Variants in CDH8 observed in about 807,000 individuals in gnomAD.
CDH8 encodes the protein cadherin 8.
Under a neutral mutation model 68.1 loss-of-function variants are expected in CDH8, and 17 were observed. The ratio of observed to expected loss-of-function variants is 0.25; its 90% CI spans 0.17 to 0.37. The LOEUF is 0.37. CDH8 is among the 10% of genes least tolerant of loss of function. CDH8 has a pLI of 1.00. For synonymous variants in CDH8, 372 were observed against 365.1 expected (o/e 1.02, Z -0.21); for missense variants, 763 against 999.3 (o/e 0.76, Z 3.19).
intron 3 of CDH8, among the ~76,000 whole-genome samples, chr16:61,891,831 T>G (rs1405210800): frequency 6.6e-6 from 1 of 152,160 alleles, no homozygotes; most frequent in Non-Finnish European, 1.5e-5. Flanking sequence ...AGAAAAAATA[T>G]AATCAAATCC....
intron 2 of CDH8, among the ~76,000 whole-genome samples, chr16:61,927,178 CA>C (rs1964469276): frequency 6.6e-6 from 1 of 152,146 alleles, no homozygotes. Context: ...TAACTTCAGA[CA>C]AATCATTTTA....
At chr16:61,931,154 CTTTTGTTTTG>C (rs551323255) in intron 2 of CDH8, among the ~76,000 whole-genome samples, 57 of 151,802 alleles carry the variant, frequency 3.8e-4, no homozygotes, top group African/African-American at 1.4e-3. Flanking sequence ...TCATGAGGAC[CTTTTGTTTTG>C]TTTTGTTTTG....
intron 3 of CDH8, among the ~76,000 whole-genome samples, chr16:61,874,574 G>C (rs1226771774): frequency 6.6e-6 from 1 of 151,898 alleles, no homozygotes; most frequent in East Asian, 1.9e-4. Flanking sequence ...CTCGTGATCT[G>C]CCTGCCTCAG....
At chr16:62,004,157 T>C (rs1426246692) in intron 2 of CDH8, among the ~76,000 whole-genome samples, 1 of 152,196 alleles carries the variant, frequency 6.6e-6, no homozygotes, top group Non-Finnish European at 1.5e-5. Context: ...CTGTCTAGAA[T>C]AGTAACAACT....
chr16:61,745,463 C>T (rs1959997734), intron 8 of CDH8, among the ~76,000 whole-genome samples: 1 of 151,972 alleles, frequency 6.6e-6, no homozygotes, highest in African/African-American at 2.4e-5. Flanking sequence ...GGCCTTCCTC[C>T]TCTCTGGAGT....
intron 8 of CDH8, among the ~76,000 whole-genome samples, chr16:61,737,784 A>G (rs932277081): frequency 2.6e-5 from 4 of 152,142 alleles, no homozygotes; most frequent in Non-Finnish European, 5.9e-5. Flanking sequence ...TGGCAACTGT[A>G]TTCTTGCTGT....
chr16:61,808,316 A>G (rs1961850653), intron 7 of CDH8, among the ~76,000 whole-genome samples: 1 of 152,194 alleles, frequency 6.6e-6, no homozygotes, highest in African/African-American at 2.4e-5. Context: ...TATTATAGCC[A>G]TCACTGAGAT....
intron 2 of CDH8, among the ~76,000 whole-genome samples, chr16:61,939,190 C>A (rs768945706): frequency 3.9e-5 from 6 of 152,084 alleles, no homozygotes; most frequent in African/African-American, 1.4e-4. Context: ...AAGATGAAGA[C>A]GGATAACAAA....
Position 62,013,016 on chromosome 16 carries a change from A to ATCCC in CDH8, c.252+8135_252+8136insGGGA, listed in dbSNP as rs1901851512. 7.1e-5 allele frequency among the ~76,000 whole-genome samples: 2 copies of ATCCC among 28,304 alleles called. 1 individual carries two copies. The highest frequency in any genetic ancestry group is 1.7e-4 in the Non-Finnish European group (2 of 11,748). The allele number at this position is 28,304 out of a possible 152,430, so 18.6% of individuals were successfully genotyped here. A position where few individuals can be genotyped will look rare whatever the true frequency, so the allele number is the denominator to read the frequency against. ...ACGCCTGTAATCCCAGCACTTTGGGAGGCCGAGGCGGGTGGATCATGAGGT... is the reference window on the plus strand; with the variant it reads ...ACGCCTGTAATCCCAGCACTTTGGGATCCCGGCCGAGGCGGGTGGATCATGAGGT... On this transcript the variant is annotated intron_variant, in intron 2 of 11. Coordinates refer to ENST00000577390, the MANE Select transcript of CDH8 (RefSeq NM_001796.5).
chr16:62,005,257 C>T (rs896497432), intron 2 of CDH8, among the ~76,000 whole-genome samples: 8 of 152,212 alleles, frequency 5.3e-5, no homozygotes, highest in Non-Finnish European at 1.0e-4. Flanking sequence ...AGGAAGACAG[C>T]TGCAAAAGCC....
At chr16:61,909,459 C>G (rs1053192793) in intron 2 of CDH8, among the ~76,000 whole-genome samples, 6 of 152,160 alleles carry the variant, frequency 3.9e-5, no homozygotes, top group African/African-American at 1.4e-4. Flanking sequence ...AACTTTTTGT[C>G]TCCATAAGAC....
intron 10 of CDH8, among the ~76,000 whole-genome samples, chr16:61,710,088 C>T (rs937839923): frequency 2.6e-5 from 4 of 152,096 alleles, no homozygotes; most frequent in South Asian, 4.1e-4. Context: ...AAAGGGACCT[C>T]GTCCCACTTA....
At chr16:61,741,323 C>T (rs563900785) in intron 8 of CDH8, among the ~76,000 whole-genome samples, 2 of 152,242 alleles carry the variant, frequency 1.3e-5, no homozygotes, top group Admixed American at 1.3e-4. Context: ...ATTCCTTCTT[C>T]TGCCCAATGG....
chr16:61,656,313 TTCCGAA>T (rs1208402860), intron 10 of CDH8, among the ~76,000 whole-genome samples: 2 of 152,222 alleles, frequency 1.3e-5, no homozygotes, highest in African/African-American at 4.8e-5. Context: ...TAAGTGTCCC[TTCCGAA>T]GACATATATT....
chr16:61,997,001 A>G (rs72800835), intron 2 of CDH8, among the ~76,000 whole-genome samples: 2,247 of 85,664 alleles, frequency 0.026, 44 homozygotes, highest in African/African-American at 0.076. Flanking sequence ...TATTGTGTGT[A>G]TGTGTGTGTG....
chr16:61,743,292 C>T (rs1181648110), intron 8 of CDH8: 3 of 152,188 alleles, frequency 2.0e-5, no homozygotes, highest in Non-Finnish European at 4.4e-5. Flanking sequence ...ACTCCTATAT[C>T]CTTGACCAAA....
At chr16:61,824,087 A>G (rs1368600645) in intron 5 of CDH8, among the ~76,000 whole-genome samples, 1 of 151,890 alleles carries the variant, frequency 6.6e-6, no homozygotes, top group Admixed American at 6.6e-5. Context: ...ATGAAATATT[A>G]TTCAGCCTTT....
intron 10 of CDH8, among the ~76,000 whole-genome samples, chr16:61,661,549 T>C (rs1174165023): frequency 6.6e-6 from 1 of 151,702 alleles, no homozygotes; most frequent in Non-Finnish European, 1.5e-5. Flanking sequence ...CAAATATAAA[T>C]AAAGATACAA....
At position 61,901,344 on chromosome 16, in the gene CDH8, C is replaced by T; in HGVS notation, c.382G>A (p.Glu128Lys). The change falls in exon 3 of 12, where the codon GAA (glutamate) becomes AAA (lysine). Residue 128 changes from glutamate to lysine, a missense_variant. Around this residue, in one of 2 missense-constraint regions of CDH8, gnomAD observed 366 missense variants for 563.1 expected, o/e 0.65. Transcript: ENST00000577390. ...GCTGTTAGGGTATACTCAGCCTTTT[C>T]CTCCCGGTCAAGTCTTTTTATAGCA... ...IHAIKRLDREEKAEYTLTAQA... is the reference protein window; with the variant it reads ...IHAIKRLDREKKAEYTLTAQA... 2 of 1,614,000 alleles carry T rather than the reference C, an allele frequency of 1.2e-6. No homozygotes were observed. The highest frequency in any genetic ancestry group is 1.6e-4 in the Middle Eastern group (1 of 6,062).
Sources: allele counts gnomAD v4.1 joint callset (sites outside exome capture counted in the v4.1 genomes callset), GRCh38; gene constraint gnomAD v4.1.1; regional missense constraint gnomAD v4.1.1; transcripts MANE v1.5; gene names NCBI Gene and HGNC (gene_info 2026-07-23, HGNC 2026-07-21).